Variants in HS3ST5 observed in about 807,000 individuals in gnomAD.
HS3ST5 encodes heparan sulfate-glucosamine 3-sulfotransferase 5, also known as heparan sulfate glucosamine 3-O-sulfotransferase 5.
HS3ST5 carries 10 observed loss-of-function variants against 25.4 expected under a neutral mutation model. The ratio of observed to expected loss-of-function variants is 0.39; its 90% CI spans 0.24 to 0.67. The LOEUF (loss-of-function observed/expected upper bound fraction) is 0.67. HS3ST5 is among the 30% of genes least tolerant of loss of function. The probability of loss-of-function intolerance (pLI) is 0.44; values close to 1 mark genes in which losing one functional copy is unlikely to be tolerated. For missense variants in HS3ST5, 324 were observed against 420.7 expected (o/e 0.77, Z 2.01); for synonymous variants, 170 against 162.4 (o/e 1.05, Z -0.36).
intron 3 of HS3ST5, among the ~76,000 whole-genome samples, chr6:114,135,947 A>G (rs1037324081): frequency 6.6e-6 from 1 of 152,188 alleles, no homozygotes; most frequent in Non-Finnish European, 1.5e-5. Flanking sequence ...GGTCATTTCA[A>G]CAATCCACAT....
chr6:114,152,749 G>A (rs1178690492), intron 3 of HS3ST5, among the ~76,000 whole-genome samples: 5 of 152,134 alleles, frequency 3.3e-5, no homozygotes, highest in African/African-American at 9.7e-5. Context: ...GTGTAAGTGC[G>A]ATCCCAAGTG....
chr6:114,313,025 G>GGAAAAAAAAA (rs1775597190), intron 1 of HS3ST5, among the ~76,000 whole-genome samples: 1 of 16,122 alleles, frequency 6.2e-5, no homozygotes, highest in African/African-American at 2.3e-4. Flanking sequence ...CCCTGCATCA[G>GGAAAAAAAAA]AAAAAAAAAA....
At chr6:114,104,098 A>G (rs1287703955) in intron 3 of HS3ST5, among the ~76,000 whole-genome samples, 3 of 152,070 alleles carry the variant, frequency 2.0e-5, no homozygotes. Context: ...GACTTTTAAA[A>G]AAAATGTTTA....
intron 1 of HS3ST5, among the ~76,000 whole-genome samples, chr6:114,244,832 G>T (rs1445251455): frequency 6.6e-6 from 1 of 152,076 alleles, no homozygotes; most frequent in South Asian, 2.1e-4. Context: ...CACTTATGAG[G>T]GCTTTTAAAT....
intron 1 of HS3ST5, among the ~76,000 whole-genome samples, chr6:114,307,363 T>C (rs192875684): frequency 2.3e-4 from 35 of 152,024 alleles, no homozygotes; most frequent in African/African-American, 8.2e-4. Context: ...TTACTGTTTT[T>C]TTTTTTCCAT....
intron 3 of HS3ST5, among the ~76,000 whole-genome samples, chr6:114,076,168 G>A (rs1774119155): frequency 6.6e-6 from 1 of 152,146 alleles, no homozygotes; most frequent in African/African-American, 2.4e-5. Flanking sequence ...TCCATTTCAT[G>A]TTCCCTTCAA....
intron 1 of HS3ST5, among the ~76,000 whole-genome samples, chr6:114,297,118 C>G (rs1407027942): frequency 1.3e-5 from 2 of 152,122 alleles, no homozygotes; most frequent in Non-Finnish European, 1.5e-5. Flanking sequence ...TGGACAGAGG[C>G]CCAGAGAGGC....
chr6:114,122,328 A>G (rs888905161), intron 3 of HS3ST5, among the ~76,000 whole-genome samples: 4 of 152,132 alleles, frequency 2.6e-5, no homozygotes, highest in Non-Finnish European at 4.4e-5. Context: ...CACCTATCAC[A>G]CAATTTAGTG....
chr6:114,245,283 A>G (rs975566060), intron 1 of HS3ST5, among the ~76,000 whole-genome samples: 1 of 152,204 alleles, frequency 6.6e-6, no homozygotes, highest in Non-Finnish European at 1.5e-5. Flanking sequence ...CCCATACAGC[A>G]TCATGCTTCT....
chr6:114,084,479 A>T (rs12661647), intron 3 of HS3ST5: 6 of 757,636 alleles, frequency 7.9e-6, no homozygotes, highest in East Asian at 2.4e-5. Context: ...TCCCGCGGGT[A>T]TTCACGGGAA....
At chr6:114,189,823 A>C (rs1459398610) in intron 2 of HS3ST5, among the ~76,000 whole-genome samples, 3 of 152,098 alleles carry the variant, frequency 2.0e-5, no homozygotes, top group Non-Finnish European at 4.4e-5. Context: ...TTATCTCCTC[A>C]TTTTTGAATA....
intron 3 of HS3ST5, among the ~76,000 whole-genome samples, chr6:114,157,219 C>T (rs1346018067): frequency 6.6e-6 from 1 of 152,086 alleles, no homozygotes. Flanking sequence ...CTCCCTGTTC[C>T]CACTGCTGAG....
intron 3 of HS3ST5, among the ~76,000 whole-genome samples, chr6:114,113,118 T>C (rs1172811780): frequency 6.6e-6 from 1 of 152,180 alleles, no homozygotes; most frequent in African/African-American, 2.4e-5. Flanking sequence ...ACACCATAGA[T>C]GCCCTGAGTC....
chr6:114,096,656 C>T (rs1005951439), intron 3 of HS3ST5, among the ~76,000 whole-genome samples: 4 of 152,128 alleles, frequency 2.6e-5, no homozygotes, highest in Non-Finnish European at 4.4e-5. Context: ...AAAAAGTCAA[C>T]CAAATATGTT....
chr6:114,148,275 A>C (rs956676929), intron 3 of HS3ST5, among the ~76,000 whole-genome samples: 2 of 152,270 alleles, frequency 1.3e-5, no homozygotes, highest in Admixed American at 1.3e-4. Context: ...CTTATACAAA[A>C]ATTAACTCAA....
chr6:114,279,908 A>AC (rs1774031035), intron 1 of HS3ST5, among the ~76,000 whole-genome samples: 1 of 151,822 alleles, frequency 6.6e-6, no homozygotes, highest in Admixed American at 6.6e-5. Flanking sequence ...CTGCTCCCTG[A>AC]CCTCCAATAT....
chr6:114,155,678 A>G (rs1029381779), intron 3 of HS3ST5, among the ~76,000 whole-genome samples: 22 of 152,252 alleles, frequency 1.4e-4, no homozygotes, highest in African/African-American at 5.3e-4. Flanking sequence ...ATTATATCAT[A>G]CACCTAAGTG....
At chr6:114,130,760 G>A (rs761188506) in intron 3 of HS3ST5, among the ~76,000 whole-genome samples, 4 of 152,134 alleles carry the variant, frequency 2.6e-5, no homozygotes, top group East Asian at 1.9e-4. Context: ...TAGTAGAGAC[G>A]GGGTTTCACC....
chr6:114,233,876 G>C (rs1187382245), intron 1 of HS3ST5, among the ~76,000 whole-genome samples: 3 of 152,152 alleles, frequency 2.0e-5, no homozygotes, highest in Admixed American at 6.5e-5. Flanking sequence ...TTCCAAATAA[G>C]AGAAATATTT....
Sources: gnomAD v4.1 joint callset for allele counts (sites outside exome capture counted in the v4.1 genomes callset) on GRCh38, gnomAD v4.1.1 for gene constraint, MANE v1.5 for transcripts, NCBI Gene and HGNC (gene_info 2026-07-23, HGNC 2026-07-21) for gene names.